Variants in KAZN observed in about 807,000 individuals in gnomAD.
KAZN encodes kazrin.
In KAZN, 40 loss-of-function variants were observed where a neutral mutation model predicts 87.4. That is an observed-to-expected ratio of 0.46 (90% CI 0.36 to 0.60). KAZN has a LOEUF of 0.60. Ranked by LOEUF, KAZN falls within the 20% of genes least tolerant of loss-of-function variation. KAZN has a pLI of 0.00. For missense variants in KAZN, 898 were observed against 1,073.9 expected (o/e 0.84, Z 2.29); for synonymous variants, 466 against 458.3 (o/e 1.02, Z -0.22).
At chr1:14,651,118 A>G (rs1435160339) in intron 1 of KAZN, among the ~76,000 whole-genome samples, 2 of 152,266 alleles carry the variant, frequency 1.3e-5, no homozygotes, top group Non-Finnish European at 2.9e-5. Flanking sequence ...TGACCAAATT[A>G]GGCATTGCAA....
At chr1:14,374,448 G>A (rs145469651) in intron 2 of KAZN, among the ~76,000 whole-genome samples, 24 of 152,308 alleles carry the variant, frequency 1.6e-4, no homozygotes, top group Admixed American at 8.5e-4. Context: ...CAAGGATGAG[G>A]AGCTTCGGGA....
rs1640805447 is a variant in KAZN, at chr1:15,096,386, G to A, written c.1547+1453G>A. ...AAACAAAAACACTAAAAGCCACTTT[G>A]ATTTTGAAGAGAAGAAATGCATGGG... On this transcript the variant is annotated intron_variant, in intron 10 of 14. Transcript: ENST00000376030. The surrounding 1 kb of genome is among the most constrained non-coding windows in gnomAD (Gnocchi z 4.5). Among the ~76,000 whole-genome samples, 1 of 152,230 alleles carries A rather than the reference G, an allele frequency of 6.6e-6. No homozygotes were observed. Among genetic ancestry groups the A allele is most frequent in the South Asian group, 2.1e-4 (1 of 4,828 alleles).
chr1:15,064,679 C>T lies in KAZN; in HGVS notation c.1099-951C>T, dbSNP rs557760076. ...GAGCCCCCGGTGGCCATACTGTCTC[C>T]TGTCCAGGGCAAGTACCAAGCCATT... On this transcript the variant is annotated intron_variant, in intron 7 of 14. Transcript: ENST00000376030. 7.9e-5 allele frequency among the ~76,000 whole-genome samples: 12 copies of T among 152,346 alleles called. No individual in the cohort carries two copies. The East Asian group carries it at 2.3e-3, about 29-fold the overall frequency.
intron 2 of KAZN, among the ~76,000 whole-genome samples, chr1:14,582,102 G>C (rs1675593305): frequency 6.6e-6 from 1 of 151,792 alleles, no homozygotes; most frequent in Admixed American, 6.6e-5. Flanking sequence ...TAGGTGTTCA[G>C]TACCTATCTG....
chr1:14,438,283 T>C (rs1412075482), intron 2 of KAZN, among the ~76,000 whole-genome samples: 1 of 152,256 alleles, frequency 6.6e-6, no homozygotes, highest in East Asian at 1.9e-4. Flanking sequence ...ATGCTGGGGA[T>C]ATGTCAATGA....
chr1:14,377,504 C>T (rs1403168487), intron 2 of KAZN, among the ~76,000 whole-genome samples: 3 of 152,192 alleles, frequency 2.0e-5, no homozygotes, highest in Non-Finnish European at 4.4e-5. Flanking sequence ...CTAGCCTTTT[C>T]AATTCTCAAC....
intron 2 of KAZN, among the ~76,000 whole-genome samples, chr1:14,319,630 G>A (rs1655911479): frequency 6.6e-6 from 1 of 152,118 alleles, no homozygotes; most frequent in Admixed American, 6.5e-5. Context: ...ACTCCACTTG[G>A]GATCCTCCTC....
chr1:14,617,071 C>A (rs1678308159), intron 1 of KAZN, among the ~76,000 whole-genome samples: 1 of 152,194 alleles, frequency 6.6e-6, no homozygotes, highest in Non-Finnish European at 1.5e-5. Context: ...TGACTCCGTT[C>A]CTTTCACTGG....
intron 1 of KAZN, among the ~76,000 whole-genome samples, chr1:14,646,729 A>G (rs927407171): frequency 2.0e-5 from 3 of 152,210 alleles, no homozygotes; most frequent in African/African-American, 7.2e-5. Context: ...CCATAGGAAC[A>G]AGGCGTCACT....
chr1:14,054,145 T>G (rs1489955856), intron 1 of KAZN, among the ~76,000 whole-genome samples: 3 of 152,098 alleles, frequency 2.0e-5, no homozygotes, highest in African/African-American at 7.2e-5. Context: ...CCAAGAAATT[T>G]TCCAATATAT....
intron 1 of KAZN, among the ~76,000 whole-genome samples, chr1:13,985,092 G>A (rs1638947225): frequency 6.6e-6 from 1 of 151,866 alleles, no homozygotes; most frequent in Non-Finnish European, 1.5e-5. Context: ...AGAACCAATA[G>A]GATATATCTC....
intron 2 of KAZN, among the ~76,000 whole-genome samples, chr1:14,982,337 C>T (rs1168850802): frequency 6.7e-6 from 1 of 149,310 alleles, no homozygotes; most frequent in Non-Finnish European, 1.5e-5. Context: ...TGTGGGCGGG[C>T]TTGGGCATGG....
intron 1 of KAZN, among the ~76,000 whole-genome samples, chr1:14,905,991 A>AC (rs2101325099): frequency 6.6e-6 from 1 of 150,826 alleles, no homozygotes; most frequent in East Asian, 1.9e-4. Flanking sequence ...ACACGGTGAG[A>AC]CCCCGTCTCT....
At chr1:14,445,451 C>G (rs1666934897) in intron 2 of KAZN, among the ~76,000 whole-genome samples, 1 of 152,144 alleles carries the variant, frequency 6.6e-6, no homozygotes, top group Non-Finnish European at 1.5e-5. Context: ...CATAGATTGC[C>G]AGGAAACCAC....
chr1:14,894,372 G>A (rs1485647580), intron 1 of KAZN, among the ~76,000 whole-genome samples: 1 of 152,184 alleles, frequency 6.6e-6, no homozygotes, highest in African/African-American at 2.4e-5. Context: ...TGCAATCCCA[G>A]AAAAATTTCT....
chr1:14,883,100 AG>A (rs1467749715), intron 1 of KAZN, among the ~76,000 whole-genome samples: 7 of 151,828 alleles, frequency 4.6e-5, no homozygotes, highest in Non-Finnish European at 8.8e-5. Flanking sequence ...GTTCGAGACC[AG>A]CCTGACCAAC....
At chr1:14,702,088 C>T (rs1312683326) in intron 1 of KAZN, among the ~76,000 whole-genome samples, 1 of 152,182 alleles carries the variant, frequency 6.6e-6, no homozygotes, top group Non-Finnish European at 1.5e-5. Context: ...TTTCTGGTTA[C>T]TCATCACCAG....
chr1:14,183,794 C>T (rs1427868913), intron 2 of KAZN, among the ~76,000 whole-genome samples: 1 of 152,018 alleles, frequency 6.6e-6, no homozygotes, highest in Non-Finnish European at 1.5e-5. Context: ...CAGGAAGGTC[C>T]CCCTCTTGAA....
At chr1:14,814,713 A>G (rs991238475) in intron 1 of KAZN, among the ~76,000 whole-genome samples, 1 of 152,034 alleles carries the variant, frequency 6.6e-6, no homozygotes, top group Non-Finnish European at 1.5e-5. Context: ...GGTGCTTGTT[A>G]CTCCTGAAAT....
Sources: allele counts gnomAD v4.1 joint callset (sites outside exome capture counted in the v4.1 genomes callset), GRCh38; gene constraint gnomAD v4.1.1; non-coding constraint Gnocchi (gnomAD v3.1); transcripts MANE v1.5; gene names NCBI Gene and HGNC (gene_info 2026-07-23, HGNC 2026-07-21).